The following SYNPO2 variants were observed in gnomAD, a reference collection of about 807,000 sequenced individuals.
SYNPO2 encodes synaptopodin 2.
Under a neutral mutation model 85.0 loss-of-function variants are expected in SYNPO2, and 56 were observed. That is an observed-to-expected ratio of 0.66 (90% CI 0.53 to 0.82). SYNPO2 has a LOEUF of 0.82. SYNPO2 is among the 40% of genes least tolerant of loss of function. The pLI is 0.00. For synonymous variants in SYNPO2, 602 were observed against 591.1 expected (o/e 1.02, Z -0.27); for missense variants, 1,575 against 1,534.2 (o/e 1.03, Z -0.44).
chr4:118,914,501 G>A (rs534244861), intron 1 of SYNPO2, among the ~76,000 whole-genome samples: 1 of 152,234 alleles, frequency 6.6e-6, no homozygotes, highest in East Asian at 1.9e-4. Context: ...GTTTAAAAAG[G>A]AGAGTATTTC....
Position 119,030,474 on chromosome 4 carries a change from C to G in SYNPO2, c.1699C>G (p.Gln567Glu). The change falls in exon 4 of 5, where the codon CAG becomes GAG. Residue 567 changes from glutamine to glutamate, a missense_variant. This residue lies in a region of SYNPO2 where 1,508 missense variants were observed against 1,446.8 expected (regional missense o/e 1.04). Coordinates refer to ENST00000307142, the MANE Select transcript of SYNPO2 (RefSeq NM_133477.3). ...TCATGGTCTTGGCCATGTTCCCCAA[C>G]AGAATGGCTTCAGTGGGACATCTGA... Reference protein sequence around the residue: ...VSHGLGHVPQQNGFSGTSETA... With the variant: ...VSHGLGHVPQENGFSGTSETA... 1 of 1,614,096 alleles carries G rather than the reference C, an allele frequency of 6.2e-7. No homozygotes were observed. Among genetic ancestry groups the G allele is most frequent in the South Asian group, 1.1e-5 (1 of 91,080 alleles).
chr4:118,963,130 A>C (rs944252528), intron 1 of SYNPO2, among the ~76,000 whole-genome samples: 19 of 152,234 alleles, frequency 1.2e-4, no homozygotes, highest in Non-Finnish European at 2.6e-4. Flanking sequence ...GCACTTCTAT[A>C]ACACCTTTGG....
chr4:119,051,783 C>G (rs544479182), intron 4 of SYNPO2, among the ~76,000 whole-genome samples: 5 of 152,262 alleles, frequency 3.3e-5, no homozygotes, highest in African/African-American at 1.2e-4. Flanking sequence ...CCAAGGCCCC[C>G]AGATACAACA....
At chr4:118,936,789 T>C (rs937158176) in intron 1 of SYNPO2, among the ~76,000 whole-genome samples, 2 of 152,202 alleles carry the variant, frequency 1.3e-5, no homozygotes, top group African/African-American at 2.4e-5. Context: ...CATGAAATAC[T>C]TACACTGGTG....
intron 4 of SYNPO2, chr4:119,033,294 C>T: frequency 1.0e-6 from 1 of 985,360 alleles, no homozygotes; most frequent in Non-Finnish European, 1.2e-6. Context: ...TCCCACGTTC[C>T]TTGCAATTCT....
At chr4:118,864,928 A>G in intron 1 of SYNPO2, among the ~76,000 whole-genome samples, 1 of 152,300 alleles carries the variant, frequency 6.6e-6, no homozygotes, top group Middle Eastern at 3.4e-3. Flanking sequence ...ATATATTTCT[A>G]TTTATTACTG....
intron 1 of SYNPO2, among the ~76,000 whole-genome samples, chr4:118,915,217 A>G (rs1427275839): frequency 1.3e-5 from 2 of 152,098 alleles, no homozygotes; most frequent in African/African-American, 4.8e-5. Context: ...AAACATATGT[A>G]ATACCAACTC....
Position 118,980,011 on chromosome 4 carries a change from G to A in SYNPO2, c.106-43419G>A, listed in dbSNP as rs115329966. On this transcript the variant is annotated intron_variant, in intron 1 of 4. Transcript: ENST00000307142. ...TGTGTTATCTTTAAGCACTGTAGAG[G>A]AAAAAACTCTTTTGGAGTTTGAAGA... 7.5e-3 allele frequency among the ~76,000 whole-genome samples: 1,135 copies of A among 152,194 alleles called. 11 individuals carry two copies. The highest frequency in any genetic ancestry group is 0.031 in the Middle Eastern group (9 of 292).
intron 1 of SYNPO2, among the ~76,000 whole-genome samples, chr4:118,980,979 A>T (rs1023613750): frequency 3.3e-5 from 5 of 152,224 alleles, no homozygotes; most frequent in African/African-American, 1.2e-4. Flanking sequence ...CTCAATCTCA[A>T]GTTACTAAGC....
chr4:118,960,502 A>G (rs1222653268), intron 1 of SYNPO2, among the ~76,000 whole-genome samples: 1 of 152,062 alleles, frequency 6.6e-6, no homozygotes, highest in Non-Finnish European at 1.5e-5. Flanking sequence ...GTGGCAGGAA[A>G]CTAATATATT....
chr4:118,879,740 C>T (rs1732038629), intron 1 of SYNPO2, among the ~76,000 whole-genome samples: 1 of 152,266 alleles, frequency 6.6e-6, no homozygotes, highest in African/African-American at 2.4e-5. Context: ...CAATCATTTG[C>T]CTTCACTGGT....
In SYNPO2 at chr4:119,014,819, A is replaced by T. The variant is rs1737464694; in HGVS notation, c.106-8611A>T. On this transcript the variant is annotated intron_variant, in intron 1 of 4. Coordinates refer to ENST00000307142, the MANE Select transcript of SYNPO2 (RefSeq NM_133477.3). ...AAAGGCTGTCTTTCTGATGTGATTAAATCCCCCTGGCTCCTGCACCAGACA... is the reference window on the plus strand; with the variant it reads ...AAAGGCTGTCTTTCTGATGTGATTATATCCCCCTGGCTCCTGCACCAGACA... Among the ~76,000 whole-genome samples, 3 of 152,192 alleles carry T rather than the reference A, an allele frequency of 2.0e-5. No individual in the cohort carries two copies. In the South Asian group the frequency reaches 6.2e-4, roughly 31 times the overall value.
rs567948227 is a variant in SYNPO2 at position 118,946,035 on chromosome 4, C to T, written c.105+56894C>T. 4.6e-5 allele frequency among the ~76,000 whole-genome samples: 7 copies of T among 152,282 alleles called. No individual in the cohort carries two copies. In the South Asian group the frequency reaches 6.2e-4, roughly 14 times the overall value. On this transcript the variant is annotated intron_variant, in intron 1 of 4. Coordinates refer to ENST00000307142, the MANE Select transcript of SYNPO2 (RefSeq NM_133477.3). ...CTGGGATTATAGGCGTGAGCCACCA[C>T]GCCTGGCCAATAACACTTTCTTTAA...
chr4:119,015,089 G>C (rs1435650609), intron 1 of SYNPO2, among the ~76,000 whole-genome samples: 2 of 152,138 alleles, frequency 1.3e-5, no homozygotes, highest in Non-Finnish European at 2.9e-5. Context: ...CAAAATGGAA[G>C]CACCCTAATG....
upstream of SYNPO2, among the ~76,000 whole-genome samples, chr4:118,885,774 G>A (rs761428034): frequency 1.3e-5 from 2 of 152,102 alleles, no homozygotes; most frequent in Admixed American, 6.6e-5. Context: ...GCAGCACTGC[G>A]CATAGCCAGA....
chr4:119,012,023 AG>A (rs1441152057), intron 1 of SYNPO2, among the ~76,000 whole-genome samples: 2 of 151,262 alleles, frequency 1.3e-5, no homozygotes, highest in Non-Finnish European at 2.9e-5. Context: ...CCCGGATTCA[AG>A]TAATTCTCCT....
At chr4:118,996,716 G>C (rs1308555149) in intron 1 of SYNPO2, among the ~76,000 whole-genome samples, 1 of 151,694 alleles carries the variant, frequency 6.6e-6, no homozygotes, top group African/African-American at 2.4e-5. Flanking sequence ...AATAAGCCAG[G>C]CGTGGTGGCA....
intron 1 of SYNPO2, among the ~76,000 whole-genome samples, chr4:118,900,663 T>TTC (rs376467151): frequency 0.026 from 1,974 of 77,226 alleles, 30 homozygotes; most frequent in Middle Eastern, 0.048. Flanking sequence ...TAGAATCTCT[T>TTC]TCTCTCTCTC....
In SYNPO2 at chr4:118,979,089, T is replaced by G. The variant is rs148871550; in HGVS notation, c.106-44341T>G. On this transcript the variant is annotated intron_variant, in intron 1 of 4. Transcript: ENST00000307142. ...CCTCTTTCGCTTTCCAATCGTTCTG[T>G]GCATTTTGCTTTCTGGCTTGCAGCT... Among the ~76,000 whole-genome samples, 877 of 152,328 alleles carry G rather than the reference T, an allele frequency of 5.8e-3. 10 individuals are homozygous for G. The highest frequency in any genetic ancestry group is 0.02 in the African/African-American group (832 of 41,580).
Sources: gnomAD v4.1 joint callset for allele counts (sites outside exome capture counted in the v4.1 genomes callset) on GRCh38, gnomAD v4.1.1 for gene constraint, gnomAD v4.1.1 regional missense constraint, MANE v1.5 for transcripts, NCBI Gene and HGNC (gene_info 2026-07-23, HGNC 2026-07-21) for gene names.